Variants in NELL2 observed in about 807,000 individuals in gnomAD.
NELL2 encodes neural EGFL like 2.
NELL2 carries 41 observed loss-of-function variants against 109.6 expected under a neutral mutation model. That is an observed-to-expected ratio of 0.37 (90% confidence interval 0.29 to 0.49). NELL2 has a LOEUF of 0.49. Among genes scored for constraint, NELL2 ranks in the 20% least tolerant of loss-of-function variants. The pLI is 0.98. For synonymous variants in NELL2, 355 were observed against 344.7 expected, an observed-to-expected ratio of 1.03 and a Z score of -0.33; for missense variants, 900 against 1,008.3, an observed-to-expected ratio of 0.89 and a Z score of 1.45.
intron 1 of NELL2, among the ~76,000 whole-genome samples, chr12:44,901,309 T>A (rs934064352): frequency 6.6e-6 from 1 of 152,124 alleles, no homozygotes; most frequent in Admixed American, 6.5e-5. Context: ...AAGAAATGGA[T>A]AAATTCCTGG....
chr12:44,730,597 AC>A (rs1245310818), intron 9 of NELL2, among the ~76,000 whole-genome samples: 3 of 152,102 alleles, frequency 2.0e-5, no homozygotes, highest in African/African-American at 7.2e-5. Context: ...GAAAATAAAA[AC>A]ATCACATAAT....
upstream of NELL2, chr12:44,876,515 C>G (rs775214513): frequency 7.1e-7 from 1 of 1,401,590 alleles, no homozygotes. Context: ...TTCTCCCTCC[C>G]TCTCTCGATG....
At chr12:44,666,293 C>T (rs540437899) in intron 12 of NELL2, among the ~76,000 whole-genome samples, 135 of 152,294 alleles carry the variant, frequency 8.9e-4, no homozygotes, top group Non-Finnish European at 1.7e-3. Context: ...CACTGCTACT[C>T]ATTGTGAAGA....
At chr12:44,607,293 C>T (rs748409196) in intron 14 of NELL2, 29 bp from the exon 15 acceptor site, 3 of 1,591,704 alleles carry the variant, frequency 1.9e-6, no homozygotes, top group Non-Finnish European at 1.7e-6. Flanking sequence ...ATGATTTTAG[C>T]ACTTTAGAAG....
At chr12:44,894,973 T>C (rs1478700722) in intron 1 of NELL2, among the ~76,000 whole-genome samples, 1 of 152,210 alleles carries the variant, frequency 6.6e-6, no homozygotes, top group Admixed American at 6.5e-5. Context: ...TCTCCCTTTA[T>C]ATGCATCATA....
At chr12:44,723,029 A>G (rs938111648) in intron 9 of NELL2, among the ~76,000 whole-genome samples, 1 of 152,110 alleles carries the variant, frequency 6.6e-6, no homozygotes, top group Non-Finnish European at 1.5e-5. Context: ...TCTACTAAAA[A>G]TACAAAAAAA....
chr12:44,724,244 G>A (rs1938950058), intron 9 of NELL2, among the ~76,000 whole-genome samples: 1 of 150,570 alleles, frequency 6.6e-6, no homozygotes, highest in Admixed American at 6.7e-5. Flanking sequence ...ATCACTAGAT[G>A]GGGGAGAAAG....
chr12:44,903,265 G>A (rs750002701), intron 1 of NELL2, among the ~76,000 whole-genome samples: 1 of 152,160 alleles, frequency 6.6e-6, no homozygotes, highest in Non-Finnish European at 1.5e-5. Flanking sequence ...AGACATTTAT[G>A]TGGCCAACAA....
chr12:44,517,039 T>G (rs1456965295), intron 19 of NELL2, among the ~76,000 whole-genome samples: 2 of 151,300 alleles, frequency 1.3e-5, no homozygotes, highest in Non-Finnish European at 2.9e-5. Context: ...TTTTCTTTAT[T>G]TTAATTTATT....
At chr12:44,720,461 T>G (rs773242385) in intron 9 of NELL2, among the ~76,000 whole-genome samples, 7 of 152,156 alleles carry the variant, frequency 4.6e-5, no homozygotes, top group Non-Finnish European at 8.8e-5. Flanking sequence ...GTCTGCCCTT[T>G]CTGTAAAATG....
intron 1 of NELL2, among the ~76,000 whole-genome samples, chr12:44,898,467 T>C (rs1945620701): frequency 6.6e-6 from 1 of 152,122 alleles, no homozygotes; most frequent in Admixed American, 6.6e-5. Flanking sequence ...GCAAACAGGA[T>C]CTGGAGAGAA....
chr12:44,610,700 G>A, intron 14 of NELL2, 148 bp downstream of exon 14: 1 of 1,059,288 alleles, frequency 9.4e-7, no homozygotes, highest in South Asian at 1.6e-5. Context: ...CAAGACCTGA[G>A]GGAAAGACTA....
intron 12 of NELL2, among the ~76,000 whole-genome samples, chr12:44,682,827 T>C (rs1948570673): frequency 1.3e-5 from 2 of 152,242 alleles, no homozygotes; most frequent in Non-Finnish European, 2.9e-5. Context: ...TGCAGCCTTG[T>C]AGTATAGTTG....
intron 15 of NELL2, among the ~76,000 whole-genome samples, chr12:44,574,959 C>T (rs958707211): frequency 6.6e-6 from 1 of 152,170 alleles, no homozygotes; most frequent in Admixed American, 6.5e-5. Flanking sequence ...ATACTATTCT[C>T]TAGTATTAAT....
At chr12:44,526,744 CAGA>C (rs1330612040) in intron 16 of NELL2, among the ~76,000 whole-genome samples, 1 of 152,178 alleles carries the variant, frequency 6.6e-6, no homozygotes, top group Non-Finnish European at 1.5e-5. Flanking sequence ...TGCTGCGGAG[CAGA>C]AGAATGGGGA....
chr12:44,876,048 C>T lies in NELL2; in HGVS notation c.-179G>A, dbSNP rs966248100. The T allele has an allele frequency of 2.7e-6, 4 of 1,470,076 alleles. No individual in the cohort carries two copies. The highest frequency in any genetic ancestry group is 4.6e-5 in the Admixed American group (2 of 43,128). The allele number at this position is 1,470,076 out of a possible 1,614,324, so 91.1% of individuals were successfully genotyped here. A position where few individuals can be genotyped will look rare whatever the true frequency, so the allele number is the denominator to read the frequency against. On this transcript the variant is annotated 5_prime_UTR_variant, in exon 1 of 20. Transcript: ENST00000429094. ...GAAAGAAAAGGGAGGCCTCCCCAGG[C>T]GCGTGAAGAACTTAGACCCTCCAAT...
chr12:44,716,537 A>C (rs1938494807), intron 9 of NELL2, among the ~76,000 whole-genome samples: 1 of 152,148 alleles, frequency 6.6e-6, no homozygotes, highest in African/African-American at 2.4e-5. Flanking sequence ...TGCAAAATTT[A>C]CCTCTCTGAC....
chr12:44,750,036 A>G (rs1003055251), intron 9 of NELL2, among the ~76,000 whole-genome samples: 7 of 152,098 alleles, frequency 4.6e-5, no homozygotes, highest in Non-Finnish European at 1.0e-4. Context: ...AAAGAGAGGG[A>G]ACATATAAAA....
intron 9 of NELL2, among the ~76,000 whole-genome samples, chr12:44,715,313 G>C (rs182591200): frequency 7.4e-5 from 11 of 148,528 alleles, no homozygotes; most frequent in African/African-American, 2.2e-4. Flanking sequence ...AACCTGCCTT[G>C]CTTCCATCAC....
Sources: gnomAD v4.1 joint callset for allele counts (sites outside exome capture counted in the v4.1 genomes callset) on GRCh38, gnomAD v4.1.1 for gene constraint, MANE v1.5 for transcripts, NCBI Gene and HGNC (gene_info 2026-07-23, HGNC 2026-07-21) for gene names.